AFAP1: variants seen among roughly 807,000 people sequenced by gnomAD.
AFAP1 encodes actin filament associated protein 1.
AFAP1 carries 75 observed loss-of-function variants against 93.9 expected under a neutral mutation model. That is an observed-to-expected ratio of 0.80 (90% CI 0.66 to 0.97). The LOEUF (loss-of-function observed/expected upper bound fraction) is 0.97, where lower values mean the gene tolerates loss of function less well. Among genes scored for constraint, AFAP1 ranks in the 50% least tolerant of loss-of-function variants. The probability of loss-of-function intolerance (pLI) is 0.00; values close to 1 mark genes in which losing one functional copy is unlikely to be tolerated. For missense variants in AFAP1, 1,201 were observed against 1,050.8 expected, an observed-to-expected ratio of 1.14 and a Z score of -1.98; for synonymous variants, 517 against 430.7, an observed-to-expected ratio of 1.20 and a Z score of -2.48.
intron 3 of AFAP1, chr4:7,862,423 G>A (rs1380410581): frequency 1.6e-4 from 24 of 149,296 alleles, no homozygotes; most frequent in African/African-American, 5.7e-4. Context: ...GGCGCCGGCG[G>A]CGGGAGAATG....
chr4:7,860,194 ATTG>A (rs1414356928), intron 3 of AFAP1, among the ~76,000 whole-genome samples: 1 of 152,168 alleles, frequency 6.6e-6, no homozygotes, highest in Non-Finnish European at 1.5e-5. Context: ...AATAATTATT[ATTG>A]TTATTACTAC....
intron 17 of AFAP1, among the ~76,000 whole-genome samples, chr4:7,766,221 G>A (rs373916524): frequency 1.1e-4 from 16 of 152,282 alleles, no homozygotes; most frequent in East Asian, 5.8e-4. Context: ...AGCTGGGTAC[G>A]CTTCGTGCCT....
intron 17 of AFAP1, among the ~76,000 whole-genome samples, chr4:7,766,700 CGCCT>C (rs1322310859): frequency 1.3e-5 from 2 of 152,140 alleles, no homozygotes; most frequent in Non-Finnish European, 2.9e-5. Flanking sequence ...AGCAGCCCAG[CGCCT>C]GCCCCTCGGG....
intron 1 of AFAP1, among the ~76,000 whole-genome samples, chr4:7,901,269 T>C (rs1213394612): frequency 2.6e-5 from 4 of 152,232 alleles, no homozygotes; most frequent in South Asian, 2.1e-4. Context: ...GGGTGCCTAT[T>C]GCACCTTAAC....
chr4:7,787,506 G>T (rs576086456), intron 11 of AFAP1, among the ~76,000 whole-genome samples: 6 of 152,192 alleles, frequency 3.9e-5, no homozygotes, highest in Non-Finnish European at 7.3e-5. Flanking sequence ...CAGCTTTGTG[G>T]ACTGGGCCCT....
intron 8 of AFAP1, among the ~76,000 whole-genome samples, chr4:7,813,062 A>C (rs1366514077): frequency 6.6e-6 from 1 of 152,200 alleles, no homozygotes. Flanking sequence ...CAGGAGTTCC[A>C]GAGTCGTTCC....
intron 1 of AFAP1, among the ~76,000 whole-genome samples, chr4:7,879,039 T>C (rs1022562633): frequency 6.6e-6 from 1 of 152,218 alleles, no homozygotes; most frequent in African/African-American, 2.4e-5. Flanking sequence ...ATTTTACTAA[T>C]AGTTCTTACA....
intron 11 of AFAP1, among the ~76,000 whole-genome samples, chr4:7,789,983 T>G (rs2149002806): frequency 6.6e-6 from 1 of 152,382 alleles, no homozygotes; most frequent in South Asian, 2.1e-4. Flanking sequence ...TATCCCACTT[T>G]TCCTGGGAGA....
In AFAP1 at chr4:7,862,075, G is replaced by A. The variant is rs778708781; in HGVS notation, c.226-6501C>T. ...AGGCCGAGTGTGGTGGCTCACATCTGTAGTCCCCGCTACTCAGGAGGGTGA... is the reference window on the plus strand; with the variant it reads ...AGGCCGAGTGTGGTGGCTCACATCTATAGTCCCCGCTACTCAGGAGGGTGA... On this transcript the variant is annotated intron_variant, in intron 3 of 17. Transcript: ENST00000420658. 2.6e-5 allele frequency: 4 copies of A among 152,226 alleles called. No homozygotes were observed. In the South Asian group the frequency reaches 6.2e-4, roughly 24 times the overall value. 9.4% of individuals were successfully genotyped at this position (152,226 alleles called of 1,614,324 possible).
chr4:7,789,173 C>T (rs1031535512), intron 11 of AFAP1, among the ~76,000 whole-genome samples: 3 of 152,118 alleles, frequency 2.0e-5, no homozygotes, highest in Non-Finnish European at 2.9e-5. Context: ...GGCCTGAGGT[C>T]GCAACTAAAC....
chr4:7,837,961 C>T (rs546617362), intron 6 of AFAP1, among the ~76,000 whole-genome samples: 1 of 152,140 alleles, frequency 6.6e-6, no homozygotes, highest in Admixed American at 6.5e-5. Context: ...TTGCAGTGAA[C>T]CACGATCATA....
chr4:7,872,686 T>C (rs1717148794), intron 1 of AFAP1, among the ~76,000 whole-genome samples: 1 of 152,110 alleles, frequency 6.6e-6, no homozygotes, highest in South Asian at 2.1e-4. Context: ...CTGGCTTAGG[T>C]CAGCAGTTTG....
At chr4:7,869,223 A>G (rs1368492003) in intron 2 of AFAP1, among the ~76,000 whole-genome samples, 1 of 150,368 alleles carries the variant, frequency 6.7e-6, no homozygotes, top group African/African-American at 2.4e-5. Flanking sequence ...GGATGGAGGG[A>G]AGGAGGAAGG....
At chr4:7,799,530 G>A (rs538854117) in intron 10 of AFAP1, among the ~76,000 whole-genome samples, 6 of 152,252 alleles carry the variant, frequency 3.9e-5, no homozygotes, top group South Asian at 4.1e-4. Flanking sequence ...GCCACACACC[G>A]GCCACCCAGC....
chr4:7,852,690 T>C (rs1382424192), intron 4 of AFAP1, among the ~76,000 whole-genome samples: 2 of 151,842 alleles, frequency 1.3e-5, no homozygotes, highest in Non-Finnish European at 2.9e-5. Flanking sequence ...AAAGGGGCAG[T>C]AGATGGAGGT....
chr4:7,759,354 G>T lies in AFAP1; in HGVS notation c.*4411C>A, dbSNP rs1183781012. Reference sequence around the variant, plus strand: ...GCCGGAACTATTTCATGAACTACGGGCGAAAGGATGCGTCTGACGCCCACC... The same window carrying T: ...GCCGGAACTATTTCATGAACTACGGTCGAAAGGATGCGTCTGACGCCCACC... On this transcript the variant is annotated 3_prime_UTR_variant, in exon 18 of 18. Transcript: ENST00000420658. 2.6e-5 allele frequency: 4 copies of T among 152,634 alleles called. No homozygotes were observed. In the East Asian group the frequency reaches 7.7e-4, roughly 29 times the overall value. The allele number at this position is 152,634 out of a possible 1,614,324, so 9.5% of individuals were successfully genotyped here.
In AFAP1 at chr4:7,843,446, G is replaced by A. The variant is rs574709091; in HGVS notation, c.335-96C>T. 388 of 1,137,084 alleles carry A rather than the reference G, an allele frequency of 3.4e-4. 7 individuals carry two copies. In the South Asian group the frequency reaches 3.7e-3, roughly 11 times the overall value. The allele number at this position is 1,137,084 out of a possible 1,614,324, so 70.4% of individuals were successfully genotyped here. A position where few individuals can be genotyped will look rare whatever the true frequency, so the allele number is the denominator to read the frequency against. On this transcript the variant is annotated intron_variant, in intron 4 of 17. Coordinates refer to ENST00000420658, the MANE Select transcript of AFAP1 (RefSeq NM_001134647.2). The stretch of plus-strand genomic sequence containing the variant: ...ACGTCCTCTTATTTTTAATCACCAA[G>A]TAACTGAATGAGAAAGGGACCTCTG...
intron 1 of AFAP1, among the ~76,000 whole-genome samples, chr4:7,874,564 T>TA (rs1717371683): frequency 1.7e-5 from 2 of 117,348 alleles, no homozygotes; most frequent in South Asian, 3.0e-4. Flanking sequence ...TTTTTTTTTT[T>TA]AGTAGAAACA....
In AFAP1 at chr4:7,762,971, A is replaced by ACTGTTAGTGAAGTATTAAAACCCT. The variant is rs1714024100; in HGVS notation, c.*770_*793dup. On this transcript the variant is annotated 3_prime_UTR_variant, in exon 18 of 18. Transcript: ENST00000420658. ...GCTAGCCCAAGGGGGAGGAGGGTGT[A>ACTGTTAGTGAAGTATTAAAACCCT]CTGTTAGTGAAGTATTAAAACCCTC... is the stretch of plus-strand genomic sequence containing the variant. The ACTGTTAGTGAAGTATTAAAACCCT allele has an allele frequency of 1.3e-5, 2 of 152,214 alleles. No individual in the cohort carries two copies. Among genetic ancestry groups the ACTGTTAGTGAAGTATTAAAACCCT allele is most frequent in the African/African-American group, 4.8e-5 (2 of 41,452 alleles). 9.4% of individuals were successfully genotyped at this position (152,214 alleles called of 1,614,324 possible).
Sources: gnomAD v4.1 joint callset for allele counts (sites outside exome capture counted in the v4.1 genomes callset) on GRCh38, gnomAD v4.1.1 for gene constraint, MANE v1.5 for transcripts, NCBI Gene and HGNC (gene_info 2026-07-23, HGNC 2026-07-21) for gene names.